Variants in PACRG observed in about 807,000 individuals in gnomAD.
PACRG encodes parkin coregulated, also known as parkin coregulated gene protein.
A neutral mutation model predicts 29.7 loss-of-function variants in PACRG; 29 were observed. That is an observed-to-expected ratio of 0.98 (90% CI 0.73 to 1.33). PACRG has a LOEUF of 1.33. PACRG is among the 40% of genes most tolerant of loss of function. PACRG has a pLI of 0.00. For missense variants in PACRG, 279 were observed against 316.2 expected, an observed-to-expected ratio of 0.88 and a Z score of 0.89; for synonymous variants, 116 against 118.7, an observed-to-expected ratio of 0.98 and a Z score of 0.15.
chr6:163,272,892 C>CTTTTTTTTTTTTTT lies in PACRG; in HGVS notation c.614-41931_614-41918dup, dbSNP rs200076248. Among the ~76,000 whole-genome samples the CTTTTTTTTTTTTTT allele has an allele frequency of 1.7e-3, 189 of 109,432 alleles. 18 individuals carry two copies. Among genetic ancestry groups the CTTTTTTTTTTTTTT allele is most frequent in the African/African-American group, 2.9e-3 (75 of 26,030 alleles). The allele number at this position is 109,432 out of a possible 152,430, so 71.8% of individuals were successfully genotyped here. On this transcript the variant is annotated intron_variant, in intron 4 of 4. Coordinates refer to ENST00000366888, the MANE Select transcript of PACRG (RefSeq NM_001080379.2). ...AAACATTTGGTAATGATGCATCATT[C>CTTTTTTTTTTTTTT]TTTTTTTTTTTTTTTTTGAGACGGA... is the stretch of plus-strand genomic sequence containing the variant.
At chr6:163,106,324 A>C (rs1815379717) in intron 4 of PACRG, among the ~76,000 whole-genome samples, 1 of 152,204 alleles carries the variant, frequency 6.6e-6, no homozygotes, top group African/African-American at 2.4e-5. Context: ...CAAATCATTC[A>C]GCTATATTGG....
At chr6:162,741,479 C>CACATG (rs1780592518) in intron 1 of PACRG, among the ~76,000 whole-genome samples, 2 of 152,178 alleles carry the variant, frequency 1.3e-5, no homozygotes, top group African/African-American at 4.8e-5. Flanking sequence ...CCTCACATGG[C>CACATG]TTTCCTCCAT....
intron 2 of PACRG, among the ~76,000 whole-genome samples, chr6:162,983,529 G>T (rs1802609133): frequency 6.6e-6 from 1 of 150,776 alleles, no homozygotes; most frequent in African/African-American, 2.4e-5. Flanking sequence ...CTCAGCATTT[G>T]TTTGTCTGAA....
chr6:162,765,294 G>T (rs181895887), intron 1 of PACRG, among the ~76,000 whole-genome samples: 32 of 152,072 alleles, frequency 2.1e-4, no homozygotes, highest in African/African-American at 7.5e-4. Flanking sequence ...GCATGCTAAG[G>T]CCTCCTTATT....
intron 2 of PACRG, among the ~76,000 whole-genome samples, chr6:163,012,549 C>T (rs567205202): frequency 8.5e-5 from 13 of 152,378 alleles, no homozygotes; most frequent in African/African-American, 2.9e-4. Flanking sequence ...GCTGCTGTGA[C>T]GCATAGCCCT....
intron 4 of PACRG, among the ~76,000 whole-genome samples, chr6:163,148,746 C>G (rs144948008): frequency 1.3e-5 from 2 of 152,030 alleles, no homozygotes; most frequent in Non-Finnish European, 2.9e-5. Flanking sequence ...ATGGAGCATG[C>G]GAGAACATAC....
chr6:163,237,655 A>T (rs1782307048), intron 4 of PACRG, among the ~76,000 whole-genome samples: 1 of 152,216 alleles, frequency 6.6e-6, no homozygotes, highest in East Asian at 1.9e-4. Context: ...TTCTGTTCTC[A>T]TAAGATAGGT....
At chr6:163,105,524 G>GA (rs935627765) in intron 4 of PACRG, among the ~76,000 whole-genome samples, 5 of 151,682 alleles carry the variant, frequency 3.3e-5, no homozygotes, top group South Asian at 2.1e-4. Context: ...TATTCAACCA[G>GA]AAAAAAAACT....
At chr6:162,825,418 A>G (rs2128383627) in intron 2 of PACRG, among the ~76,000 whole-genome samples, 1 of 152,190 alleles carries the variant, frequency 6.6e-6, no homozygotes, top group Non-Finnish European at 1.5e-5. Flanking sequence ...TGTTTCATTC[A>G]CTTTTTAATT....
intron 1 of PACRG, among the ~76,000 whole-genome samples, chr6:162,806,995 C>T (rs1456635811): frequency 6.6e-6 from 1 of 152,242 alleles, no homozygotes; most frequent in Non-Finnish European, 1.5e-5. Flanking sequence ...GCTTCTCCAT[C>T]AGCACTTGCT....
At chr6:163,261,751 A>T (rs1783334093) in intron 4 of PACRG, among the ~76,000 whole-genome samples, 1 of 152,206 alleles carries the variant, frequency 6.6e-6, no homozygotes, top group South Asian at 2.1e-4. Context: ...TGTTCCCTAA[A>T]CAATAAAGTA....
At chr6:163,166,274 C>A (rs1465649597) in intron 4 of PACRG, 8 of 421,166 alleles carry the variant, frequency 1.9e-5, no homozygotes, top group Admixed American at 1.1e-4. Flanking sequence ...TGCTCAACAA[C>A]AACAACAAAA....
At chr6:163,298,400 A>T (rs1784865063) in intron 4 of PACRG, among the ~76,000 whole-genome samples, 1 of 152,224 alleles carries the variant, frequency 6.6e-6, no homozygotes, top group South Asian at 2.1e-4. Context: ...TCTAACACCC[A>T]ATGCTGTGAT....
intron 1 of PACRG, among the ~76,000 whole-genome samples, chr6:162,770,379 T>C (rs1312365012): frequency 6.6e-6 from 1 of 152,218 alleles, no homozygotes; most frequent in Non-Finnish European, 1.5e-5. Context: ...CCATTGTAGC[T>C]GGTGATAAAA....
intron 2 of PACRG, among the ~76,000 whole-genome samples, chr6:162,838,273 T>C (rs1789420831): frequency 1.3e-5 from 2 of 152,322 alleles, no homozygotes; most frequent in South Asian, 4.1e-4. Context: ...TGGACAGGCC[T>C]CTGCTCCAGG....
intron 4 of PACRG, among the ~76,000 whole-genome samples, chr6:163,269,805 G>A (rs552037854): frequency 0.13 from 7,580 of 60,394 alleles, 1,022 homozygotes; most frequent in African/African-American, 0.29. Context: ...AGGAAGGAAG[G>A]AAGGAAGGAA....
At chr6:162,991,753 C>G (rs1803446314) in intron 2 of PACRG, among the ~76,000 whole-genome samples, 1 of 123,952 alleles carries the variant, frequency 8.1e-6, no homozygotes, top group Admixed American at 7.8e-5. Flanking sequence ...CCTGATTGCC[C>G]TGGCCAGAAC....
At chr6:162,922,871 G>A (rs956249514) in intron 2 of PACRG, among the ~76,000 whole-genome samples, 2 of 152,140 alleles carry the variant, frequency 1.3e-5, no homozygotes, top group East Asian at 3.9e-4. Context: ...AATAAATACA[G>A]AGATGCAGAT....
At chr6:162,928,664 G>A (rs766660653) in intron 2 of PACRG, among the ~76,000 whole-genome samples, 2 of 151,790 alleles carry the variant, frequency 1.3e-5, no homozygotes, top group Admixed American at 6.6e-5. Flanking sequence ...GCAATAGATC[G>A]TTGTATGCTA....
Sources: allele counts gnomAD v4.1 joint callset (sites outside exome capture counted in the v4.1 genomes callset), GRCh38; gene constraint gnomAD v4.1.1; transcripts MANE v1.5; gene names NCBI Gene and HGNC (gene_info 2026-07-23, HGNC 2026-07-21).